LYPLA1: variants seen among roughly 807,000 people sequenced by gnomAD.
The protein encoded by LYPLA1 is acyl-protein thioesterase 1.
In LYPLA1, 17 loss-of-function variants were observed where a neutral mutation model predicts 34.0. The observed-to-expected ratio is 0.50, with a 90% CI of 0.34 to 0.75. The LOEUF (loss-of-function observed/expected upper bound fraction) is 0.75, where lower values mean the gene tolerates loss of function less well. Among genes scored for constraint, LYPLA1 ranks in the 30% least tolerant of loss-of-function variants. The pLI is 0.01. For synonymous variants in LYPLA1, 98 were observed against 100.8 expected, an observed-to-expected ratio of 0.97 and a Z score of 0.17; for missense variants, 203 against 288.8, an observed-to-expected ratio of 0.70 and a Z score of 2.15.
chr8:54,056,921 A>G (rs916667451), intron 5 of LYPLA1, among the ~76,000 whole-genome samples: 1 of 152,146 alleles, frequency 6.6e-6, no homozygotes, highest in Non-Finnish European at 1.5e-5. Context: ...CAAAACAAAC[A>G]AGAACAAAAA....
intron 5 of LYPLA1, among the ~76,000 whole-genome samples, chr8:54,057,059 G>A (rs1285396884): frequency 1.3e-5 from 2 of 152,056 alleles, no homozygotes; most frequent in African/African-American, 4.8e-5. Flanking sequence ...ATGAAATATC[G>A]TCTCACCCCA....
rs187831581 is a variant in LYPLA1 at position 54,085,041 on chromosome 8, C to G, written c.101+15867G>C. On this transcript the variant is annotated intron_variant, in intron 2 of 8. Transcript: ENST00000316963. ...CTCTCCCTCTTTGCACAGTCTCCCTCTGATGCCGAGACGAGGCTGGACTGT... is the reference window on the plus strand; with the variant it reads ...CTCTCCCTCTTTGCACAGTCTCCCTGTGATGCCGAGACGAGGCTGGACTGT... Among the ~76,000 whole-genome samples, 316 of 152,284 alleles carry G rather than the reference C, an allele frequency of 2.1e-3. 1 individual carries two copies. Among genetic ancestry groups the G allele is most frequent in the African/African-American group, 7.2e-3 (299 of 41,570 alleles).
intron 2 of LYPLA1, among the ~76,000 whole-genome samples, chr8:54,090,993 A>C (rs530339382): frequency 6.6e-6 from 1 of 152,164 alleles, no homozygotes; most frequent in Non-Finnish European, 1.5e-5. Context: ...GAGTGAATTA[A>C]ACCTCTTTTC....
intron 2 of LYPLA1, among the ~76,000 whole-genome samples, 159 bp from the exon 3 acceptor site, chr8:54,065,972 T>C (rs185351273): frequency 1.3e-5 from 2 of 152,356 alleles, no homozygotes; most frequent in Admixed American, 6.5e-5. Context: ...CGTCTCGCTC[T>C]GTCGCCCAGG....
At chr8:54,079,598 AT>A (rs1467879993) in intron 2 of LYPLA1, among the ~76,000 whole-genome samples, 2 of 151,944 alleles carry the variant, frequency 1.3e-5, no homozygotes, top group Non-Finnish European at 2.9e-5. Flanking sequence ...AGTCCAGGAG[AT>A]TGAGACCAGC....
intron 2 of LYPLA1, among the ~76,000 whole-genome samples, chr8:54,092,182 CA>C (rs1809334383): frequency 7.0e-6 from 1 of 143,564 alleles, no homozygotes; most frequent in Non-Finnish European, 1.5e-5. Context: ...CTGTCGAAGT[CA>C]GGGGGAGGAG....
chr8:54,058,586 C>T (rs1419463841), intron 5 of LYPLA1, among the ~76,000 whole-genome samples: 1 of 151,692 alleles, frequency 6.6e-6, no homozygotes, highest in Non-Finnish European at 1.5e-5. Flanking sequence ...CTTTTGCTCG[C>T]TCACACTCTC....
chr8:54,051,354 C>T (rs1200934060), intron 7 of LYPLA1, among the ~76,000 whole-genome samples, 166 bp from the exon 8 acceptor site: 1 of 152,170 alleles, frequency 6.6e-6, no homozygotes, highest in African/African-American at 2.4e-5. Flanking sequence ...ATCCCTTTGA[C>T]TTCTATAGGA....
At chr8:54,050,536 C>T (rs1805774161) in intron 8 of LYPLA1, among the ~76,000 whole-genome samples, 1 of 152,190 alleles carries the variant, frequency 6.6e-6, no homozygotes, top group Non-Finnish European at 1.5e-5. Context: ...CTTTTCCTGT[C>T]CTATAGTTCT....
chr8:54,095,437 G>C (rs772022704), intron 2 of LYPLA1, among the ~76,000 whole-genome samples: 1 of 151,824 alleles, frequency 6.6e-6, no homozygotes, highest in Non-Finnish European at 1.5e-5. Flanking sequence ...CATATGGTGG[G>C]GATCAGGAAT....
At chr8:54,049,280 AG>A (rs1284509113) in intron 8 of LYPLA1, among the ~76,000 whole-genome samples, 1 of 152,236 alleles carries the variant, frequency 6.6e-6, no homozygotes, top group East Asian at 1.9e-4. Flanking sequence ...AGACCTATCC[AG>A]GCCTCCGGCC....
At chr8:54,096,193 G>A (rs1408168324) in intron 2 of LYPLA1, among the ~76,000 whole-genome samples, 1 of 152,172 alleles carries the variant, frequency 6.6e-6, no homozygotes, top group Non-Finnish European at 1.5e-5. Flanking sequence ...TGGGTGAAAG[G>A]TATAAGGAGC....
At chr8:54,060,689 CTT>C (rs761596145) in intron 5 of LYPLA1, among the ~76,000 whole-genome samples, 211 of 123,440 alleles carry the variant, frequency 1.7e-3, no homozygotes, top group African/African-American at 6.6e-3. Context: ...TTTTTTCTTC[CTT>C]TTTTTTTTTT....
chr8:54,082,824 T>A (rs1214472336), intron 2 of LYPLA1, among the ~76,000 whole-genome samples: 1 of 152,020 alleles, frequency 6.6e-6, no homozygotes, highest in Non-Finnish European at 1.5e-5. Flanking sequence ...CCTCCCAGGT[T>A]CACGCCATTC....
intron 2 of LYPLA1, among the ~76,000 whole-genome samples, chr8:54,071,377 G>T (rs931695226): frequency 6.7e-6 from 1 of 150,356 alleles, no homozygotes; most frequent in South Asian, 2.1e-4. Context: ...AAGTATCCTT[G>T]TGCATGGGAA....
At chr8:54,064,307 C>T (rs1306215486) in intron 3 of LYPLA1, among the ~76,000 whole-genome samples, 5 of 152,176 alleles carry the variant, frequency 3.3e-5, no homozygotes, top group Middle Eastern at 3.4e-3. Flanking sequence ...ATTCCAGCTA[C>T]TTGGGAGGCT....
intron 2 of LYPLA1, among the ~76,000 whole-genome samples, chr8:54,085,935 A>T (rs948646284): frequency 5.9e-5 from 9 of 152,064 alleles, no homozygotes. Flanking sequence ...TGGGAGGTGT[A>T]CCCAACAGCT....
chr8:54,044,437 C>G (rs1040806965), downstream of LYPLA1, among the ~76,000 whole-genome samples: 4 of 152,082 alleles, frequency 2.6e-5, no homozygotes, highest in African/African-American at 9.6e-5. Flanking sequence ...GTTGACAGAC[C>G]ACATAAATGG....
At chr8:54,057,326 A>G (rs1011097960) in intron 5 of LYPLA1, among the ~76,000 whole-genome samples, 2 of 152,148 alleles carry the variant, frequency 1.3e-5, no homozygotes, top group Admixed American at 1.3e-4. Context: ...ACCCAAAAGA[A>G]AGGAAATCAG....
Sources: allele counts gnomAD v4.1 joint callset (sites outside exome capture counted in the v4.1 genomes callset), GRCh38; gene constraint gnomAD v4.1.1; transcripts MANE v1.5; gene names NCBI Gene and HGNC (gene_info 2026-07-23, HGNC 2026-07-21).